The following DBT variants were observed in gnomAD, a reference collection of about 807,000 sequenced individuals.
The protein encoded by DBT is dihydrolipoamide branched chain transacylase E2, also known as lipoamide acyltransferase component of branched-chain alpha-keto acid dehydrogenase complex, mitochondrial.
DBT carries 40 observed loss-of-function variants against 51.3 expected under a neutral mutation model. That is an observed-to-expected ratio of 0.78 (90% CI 0.61 to 1.02). The LOEUF is 1.02. DBT is among the 50% of genes least tolerant of loss of function. The pLI is 0.00. For missense variants in DBT, 510 were observed against 580.2 expected (o/e 0.88, Z 1.24); for synonymous variants, 181 against 190.4 (o/e 0.95, Z 0.41).
intron 2 of DBT, among the ~76,000 whole-genome samples, chr1:100,238,432 T>A (rs1266175138): frequency 2.9e-5 from 4 of 136,438 alleles, no homozygotes; most frequent in African/African-American, 1.1e-4. Context: ...TTTCTTTTAT[T>A]TCCCCTCCCC....
intron 7 of DBT, chr1:100,213,197 A>AATGG (rs1662256886): frequency 7.5e-6 from 4 of 532,792 alleles, no homozygotes; most frequent in Non-Finnish European, 8.8e-6. Context: ...ATTAAGAGAT[A>AATGG]ATGGGCCCTG....
Position 100,190,273 on chromosome 1 carries a change from GGTGCAT to G in DBT, c.*5976_*5981del. 6.6e-6 allele frequency: 1 copy of G among 152,334 alleles called. No individual in the cohort carries two copies. Among genetic ancestry groups the G allele is most frequent in the East Asian group, 1.9e-4 (1 of 5,186 alleles). The allele number at this position is 152,334 out of a possible 1,614,324, so 9.4% of individuals were successfully genotyped here. ...TGTGGTGCCATCTTCAACCTTGAAG[GGTGCAT>G]GTTGGAGGGGAAGAGATAGAATATG... On this transcript the variant is annotated 3_prime_UTR_variant, in exon 11 of 11. Coordinates refer to ENST00000370132, the MANE Select transcript of DBT (RefSeq NM_001918.5).
chr1:100,210,325 TAAGAAGAAGAAGAAGAAGAAG>T (rs145600331), intron 8 of DBT, among the ~76,000 whole-genome samples: 17 of 144,102 alleles, frequency 1.2e-4, no homozygotes, highest in East Asian at 2.1e-4. Flanking sequence ...ATAATAATAA[TAAGAAGAAGAAGAAGAAGAAG>T]AATAAGAATA....
At chr1:100,218,934 G>A (rs1427235657) in intron 4 of DBT, among the ~76,000 whole-genome samples, 187 bp from the exon 5 acceptor site, 1 of 6,886 alleles carries the variant, frequency 1.5e-4, no homozygotes, top group African/African-American at 1.9e-4. Context: ...GGGTAGAGTG[G>A]GGGGGGGGGT....
rs764683352 is a variant in DBT, at chr1:100,230,787, C to T, written c.379G>A (p.Asp127Asn). Residue 127 changes from aspartate (D) to asparagine (N), a missense_variant, in exon 4 of 11, where the codon GAT becomes AAT. Asp to Asn is a conservative substitution (Grantham distance 23). Transcript: ENST00000370132. ...VIKKLYYNLDDIAYVGKPLVD... is the reference protein window; with the variant it reads ...VIKKLYYNLDNIAYVGKPLVD... ...AATGGCTTCCCCACATAGGCAATATCGTCTAGATTATAATAGAGTTTTTTA... is the reference window on the plus strand; with the variant it reads ...AATGGCTTCCCCACATAGGCAATATTGTCTAGATTATAATAGAGTTTTTTA... 6.2e-7 allele frequency: 1 copy of T among 1,611,302 alleles called. No homozygotes were observed. The highest frequency in any genetic ancestry group is 8.5e-7 in the Non-Finnish European group (1 of 1,177,866).
At chr1:100,246,119 G>A (rs189764202) in intron 1 of DBT, among the ~76,000 whole-genome samples, 21 of 152,130 alleles carry the variant, frequency 1.4e-4, no homozygotes, top group Admixed American at 1.3e-3. Flanking sequence ...AAAATTAGCT[G>A]GGCATGGTGG....
chr1:100,234,145 A>G (rs1446153570), intron 3 of DBT, among the ~76,000 whole-genome samples: 1 of 152,226 alleles, frequency 6.6e-6, no homozygotes, highest in African/African-American at 2.4e-5. Context: ...AGTTAGGAAA[A>G]AAAACAGAAT....
At position 100,196,169 on chromosome 1, in the gene DBT, A is replaced by T; in HGVS notation, c.*86T>A. The stretch of plus-strand genomic sequence containing the variant: ...TACGATACAAATCATTTACAATATA[A>T]ATTGTAAAGATGAACATGTGCTGGC... On this transcript the variant is annotated 3_prime_UTR_variant, in exon 11 of 11. Transcript: ENST00000370132. 7.2e-6 allele frequency: 8 copies of T among 1,110,362 alleles called. No homozygotes were observed. Among genetic ancestry groups the T allele is most frequent in the African/African-American group, 1.5e-5 (1 of 64,702 alleles). 68.8% of individuals were successfully genotyped at this position (1,110,362 alleles called of 1,614,324 possible).
intron 10 of DBT, 59 bp from the exon 11 acceptor site, chr1:100,196,481 T>C: frequency 1.3e-6 from 2 of 1,547,390 alleles, no homozygotes; most frequent in South Asian, 2.4e-5. Flanking sequence ...AAACCTTCAC[T>C]TGTTCAGAGC....
intron 1 of DBT, among the ~76,000 whole-genome samples, chr1:100,241,660 G>A (rs540783430): frequency 1.3e-5 from 2 of 152,204 alleles, no homozygotes; most frequent in South Asian, 4.2e-4. Context: ...GCCTCCCAAA[G>A]TGCTAGAATT....
intron 7 of DBT, among the ~76,000 whole-genome samples, chr1:100,212,028 T>C (rs1273172893): frequency 6.6e-6 from 1 of 152,220 alleles, no homozygotes; most frequent in African/African-American, 2.4e-5. Context: ...TGCCTTGGCC[T>C]CCTAAAGTGT....
At chr1:100,227,106 G>A (rs559720733) in intron 4 of DBT, among the ~76,000 whole-genome samples, 107 of 152,272 alleles carry the variant, frequency 7.0e-4, no homozygotes, top group Non-Finnish European at 1.1e-3. Flanking sequence ...AATATTGTAG[G>A]TGACTGTAAC....
rs115925433 is a variant in DBT at position 100,234,001 on chromosome 1, C to T, written c.251+1435G>A. On this transcript the variant is annotated intron_variant, in intron 3 of 10. Transcript: ENST00000370132. ...CATAAAGTACATTGATTTATCACGG[C>T]TAGCAGATATTTAAGAATGTTAGCA... Among the ~76,000 whole-genome samples, 1,380 of 152,262 alleles carry T rather than the reference C, an allele frequency of 9.1e-3. 24 individuals carry two copies. Among genetic ancestry groups the T allele is most frequent in the African/African-American group, 0.032 (1,334 of 41,540 alleles).
intron 3 of DBT, among the ~76,000 whole-genome samples, chr1:100,233,871 A>G (rs1400814344): frequency 6.6e-6 from 1 of 152,234 alleles, no homozygotes; most frequent in African/African-American, 2.4e-5. Context: ...GAAAGGTAAA[A>G]ACACCTTCAG....
chr1:100,224,132 C>T (rs527737871), intron 4 of DBT, among the ~76,000 whole-genome samples: 2 of 152,260 alleles, frequency 1.3e-5, no homozygotes, highest in East Asian at 3.9e-4. Flanking sequence ...TCCAATACTA[C>T]TATTAAGATG....
intron 4 of DBT, among the ~76,000 whole-genome samples, chr1:100,227,160 A>C (rs1663266965): frequency 6.6e-6 from 1 of 152,248 alleles, no homozygotes; most frequent in Admixed American, 6.5e-5. Context: ...TAAACATAAA[A>C]GAAGTATAGT....
chr1:100,231,190 A>C (rs1407790080), intron 3 of DBT, among the ~76,000 whole-genome samples: 1 of 152,226 alleles, frequency 6.6e-6, no homozygotes, highest in Non-Finnish European at 1.5e-5. Context: ...CCCATTTATC[A>C]GAAAAACAAG....
In DBT at chr1:100,189,276, G is replaced by T. The variant is rs1456318943; in HGVS notation, c.*6979C>A. The T allele has an allele frequency of 6.6e-6, 1 of 151,600 alleles. No individual in the cohort carries two copies. The highest frequency in any genetic ancestry group is 2.4e-5 in the African/African-American group (1 of 41,198). The allele number at this position is 151,600 out of a possible 1,614,324, so 9.4% of individuals were successfully genotyped here. A position where few individuals can be genotyped will look rare whatever the true frequency, so the allele number is the denominator to read the frequency against. On this transcript the variant is annotated 3_prime_UTR_variant, in exon 11 of 11. Transcript: ENST00000370132. Reference sequence around the variant, plus strand: ...CACTGTTTGAACCCAGGAGACGGAGGTTGCAGTGAGCAGAGCCGAGATCGC... The same window carrying T: ...CACTGTTTGAACCCAGGAGACGGAGTTTGCAGTGAGCAGAGCCGAGATCGC...
chr1:100,245,843 T>C (rs1664500277), intron 1 of DBT, among the ~76,000 whole-genome samples: 1 of 152,094 alleles, frequency 6.6e-6, no homozygotes, highest in Non-Finnish European at 1.5e-5. Flanking sequence ...TCCCAGCTAC[T>C]TGGGAGGCTG....
Sources: gnomAD v4.1 joint callset for allele counts (sites outside exome capture counted in the v4.1 genomes callset) on GRCh38, gnomAD v4.1.1 for gene constraint, MANE v1.5 for transcripts, NCBI Gene and HGNC (gene_info 2026-07-23, HGNC 2026-07-21) for gene names.